Variants in ITGA2 observed in about 807,000 individuals in gnomAD.
ITGA2 encodes integrin subunit alpha 2.
A neutral mutation model predicts 146.3 loss-of-function variants in ITGA2; 101 were observed. That is an observed-to-expected ratio of 0.69 (90% confidence interval 0.59 to 0.81). ITGA2 has a LOEUF of 0.81. Among genes scored for constraint, ITGA2 ranks in the 40% least tolerant of loss-of-function variants. ITGA2 has a pLI of 0.00. For missense variants in ITGA2, 1,281 were observed against 1,402.7 expected (o/e 0.91, Z 1.39); for synonymous variants, 477 against 487.1 (o/e 0.98, Z 0.27).
Position 53,059,942 on chromosome 5 carries a change from T to A in ITGA2, c.1242T>A (p.His414Gln). ...WSGTIVQKTS[H>Q]GHLIFPKQAF... is the part of the protein sequence containing the mutation. ...GGACCATTGTCCAGAAGACATCTCATGGCCATTTGATCTTTCCTAAACAAG... is the reference window on the plus strand; with the variant it reads ...GGACCATTGTCCAGAAGACATCTCAAGGCCATTTGATCTTTCCTAAACAAG... Residue 414 changes from histidine to glutamine, a missense_variant, in exon 11 of 30, where the codon CAT becomes CAA. Transcript: ENST00000296585. 2 of 1,612,370 alleles carry A rather than the reference T, an allele frequency of 1.2e-6. No individual in the cohort carries two copies. The highest frequency in any genetic ancestry group is 1.7e-6 in the Non-Finnish European group (2 of 1,178,964).
intron 23 of ITGA2, among the ~76,000 whole-genome samples, chr5:53,076,202 T>C (rs1051380645): frequency 4.0e-5 from 6 of 151,828 alleles, no homozygotes; most frequent in Admixed American, 3.9e-4. Context: ...GGTGAAGCAA[T>C]AGGACAGCTT....
chr5:53,021,231 C>G (rs1742667435), intron 1 of ITGA2, among the ~76,000 whole-genome samples: 1 of 151,860 alleles, frequency 6.6e-6, no homozygotes, highest in East Asian at 1.9e-4. Flanking sequence ...TATTCACGCC[C>G]CTAATCTTGG....
intron 1 of ITGA2, among the ~76,000 whole-genome samples, chr5:52,997,149 C>G (rs1009483138): frequency 6.6e-6 from 1 of 152,174 alleles, no homozygotes; most frequent in African/African-American, 2.4e-5. Context: ...GCATATTTGG[C>G]TAATGTTTTC....
chr5:52,994,916 T>C (rs2111662328), intron 1 of ITGA2, among the ~76,000 whole-genome samples: 1 of 152,262 alleles, frequency 6.6e-6, no homozygotes, highest in Non-Finnish European at 1.5e-5. Context: ...GATGTCTTCA[T>C]GGAAACAGGT....
chr5:53,057,227 A>T (rs1011189422), intron 9 of ITGA2, among the ~76,000 whole-genome samples: 3 of 151,954 alleles, frequency 2.0e-5, no homozygotes, highest in Admixed American at 6.6e-5. Context: ...GACTTTGGGG[A>T]ACATTATTCT....
chr5:52,993,849 A>G (rs761463223), intron 1 of ITGA2, among the ~76,000 whole-genome samples: 1 of 151,406 alleles, frequency 6.6e-6, no homozygotes, highest in African/African-American at 2.4e-5. Flanking sequence ...TCAGCTTGGG[A>G]TATTAGTAAA....
At chr5:53,037,116 C>T (rs1327651408) in intron 2 of ITGA2, among the ~76,000 whole-genome samples, 1 of 152,172 alleles carries the variant, frequency 6.6e-6, no homozygotes, top group Non-Finnish European at 1.5e-5. Context: ...AACTGTCCTA[C>T]CTACACCACC....
At position 53,087,911 on chromosome 5, in the gene ITGA2, T is replaced by C. The variant is rs533484457; in HGVS notation, c.3348+870T>C. On this transcript the variant is annotated intron_variant, in intron 28 of 29. Coordinates refer to ENST00000296585, the MANE Select transcript of ITGA2 (RefSeq NM_002203.4). Reference sequence around the variant, plus strand: ...CTCCTCTGGCTTGGTCAAAAAGTTATGGCCCCATGAACTATGGGCCTCCTC... The same window carrying C: ...CTCCTCTGGCTTGGTCAAAAAGTTACGGCCCCATGAACTATGGGCCTCCTC... 2.6e-5 allele frequency among the ~76,000 whole-genome samples: 4 copies of C among 152,322 alleles called. No individual in the cohort carries two copies. In the East Asian group the frequency reaches 7.7e-4, roughly 29 times the overall value.
At chr5:53,052,009 T>C (rs1221419122) in intron 7 of ITGA2, among the ~76,000 whole-genome samples, 2 of 152,162 alleles carry the variant, frequency 1.3e-5, no homozygotes, top group African/African-American at 4.8e-5. Context: ...TGTGAAATTA[T>C]AACTATACAG....
intron 6 of ITGA2, among the ~76,000 whole-genome samples, chr5:53,050,391 G>A (rs1238364405): frequency 5.9e-5 from 9 of 152,160 alleles, no homozygotes; most frequent in South Asian, 2.1e-4. Flanking sequence ...TCTTCCTCTC[G>A]TATTGGACTT....
rs765702538 is a variant in ITGA2, at chr5:53,094,639, C to CAGTT, written c.*4044_*4047dup. 2 of 149,338 alleles carry CAGTT rather than the reference C, an allele frequency of 1.3e-5. No individual in the cohort carries two copies. Among genetic ancestry groups the CAGTT allele is most frequent in the Admixed American group, 6.6e-5 (1 of 15,076 alleles). The allele number at this position is 149,338 out of a possible 1,614,324, so 9.3% of individuals were successfully genotyped here. A position where few individuals can be genotyped will look rare whatever the true frequency, so the allele number is the denominator to read the frequency against. ...GAAACAAAAATTAAATTGTAGTCAA[C>CAGTT]AGTTAGTAGTTTTTCTCATATCCAA... On this transcript the variant is annotated 3_prime_UTR_variant, in exon 30 of 30. Transcript: ENST00000296585.
At chr5:53,066,679 T>G (rs764875876) in intron 15 of ITGA2, among the ~76,000 whole-genome samples, 1 of 151,956 alleles carries the variant, frequency 6.6e-6, no homozygotes, top group Non-Finnish European at 1.5e-5. Flanking sequence ...TGATACTATT[T>G]ACAAATCTCA....
At position 53,049,012 on chromosome 5, in the gene ITGA2, CTT is replaced by C. The variant is rs111756330; in HGVS notation, c.630+257_630+258del. On this transcript the variant is annotated intron_variant, in intron 6 of 29. Transcript: ENST00000296585. ...CAAGCATTAAAGGTATGGGACATAACTTTTTTTTTTTTTTTTAAGACCAAGTC... is the reference window on the plus strand; with the variant it reads ...CAAGCATTAAAGGTATGGGACATAACTTTTTTTTTTTTTTAAGACCAAGTC... 0.12 allele frequency among the ~76,000 whole-genome samples: 16,981 copies of C among 143,986 alleles called. 1,181 individuals are homozygous for C. Among genetic ancestry groups the C allele is most frequent in the African/African-American group, 0.2 (7,810 of 39,628 alleles). The allele number at this position is 143,986 out of a possible 152,430, so 94.5% of individuals were successfully genotyped here. A position where few individuals can be genotyped will look rare whatever the true frequency, so the allele number is the denominator to read the frequency against.
intron 6 of ITGA2, among the ~76,000 whole-genome samples, chr5:53,050,387 TC>T (rs1432913885): frequency 6.6e-6 from 1 of 152,200 alleles, no homozygotes; most frequent in Non-Finnish European, 1.5e-5. Context: ...ACCATCTTCC[TC>T]TCGTATTGGA....
intron 29 of ITGA2, among the ~76,000 whole-genome samples, chr5:53,090,293 A>G (rs542596420): frequency 1.3e-5 from 2 of 152,302 alleles, no homozygotes; most frequent in South Asian, 2.1e-4. Context: ...TCAGCTTCAA[A>G]TAAGTAGACG....
At chr5:52,989,814 GCA>G (rs35389760) in intron 1 of ITGA2, among the ~76,000 whole-genome samples, 155 of 145,968 alleles carry the variant, frequency 1.1e-3, no homozygotes, top group South Asian at 2.2e-3. Context: ...GTACACACAC[GCA>G]CACACACACA....
chr5:52,989,619 G>T, intron 1 of ITGA2, 87 bp downstream of exon 1: 1 of 1,443,156 alleles, frequency 6.9e-7, no homozygotes, highest in Non-Finnish European at 9.7e-7. Flanking sequence ...CGGAACTAGG[G>T]AGCGAGCTCC....
intron 1 of ITGA2, chr5:52,990,136 C>G (rs1233371135): frequency 6.4e-6 from 1 of 155,296 alleles, no homozygotes; most frequent in Non-Finnish European, 1.4e-5. Flanking sequence ...TTGGAATAAA[C>G]CAAGCGCCAC....
At chr5:53,071,879 C>A in intron 17 of ITGA2, 59 bp from the exon 18 acceptor site, 1 of 1,203,834 alleles carries the variant, frequency 8.3e-7, no homozygotes, top group Non-Finnish European at 1.2e-6. Flanking sequence ...TTTAATGTTG[C>A]TATGCTCTAA....
Sources: gnomAD v4.1 joint callset for allele counts (sites outside exome capture counted in the v4.1 genomes callset) on GRCh38, gnomAD v4.1.1 for gene constraint, MANE v1.5 for transcripts, NCBI Gene and HGNC (gene_info 2026-07-23, HGNC 2026-07-21) for gene names.